PPARGC1B: variants seen among roughly 807,000 people sequenced by gnomAD.
The protein encoded by PPARGC1B is PPARG coactivator 1 beta.
In PPARGC1B, 34 loss-of-function variants were observed where a neutral mutation model predicts 101.6. That is an observed-to-expected ratio of 0.33 (90% confidence interval 0.25 to 0.45). The LOEUF is 0.45. PPARGC1B is among the 20% of genes least tolerant of loss of function. The probability of loss-of-function intolerance (pLI) is 1.00; values close to 1 mark genes in which losing one functional copy is unlikely to be tolerated. For synonymous variants in PPARGC1B, 548 were observed against 539.3 expected (o/e 1.02, Z -0.22); for missense variants, 1,234 against 1,317.6 (o/e 0.94, Z 0.98).
In PPARGC1B at chr5:149,799,837, A is replaced by G. The variant is rs149374673; in HGVS notation, c.79-20596A>G. 1.5e-4 allele frequency among the ~76,000 whole-genome samples: 23 copies of G among 151,660 alleles called. No homozygotes were observed. The East Asian group carries it at 3.7e-3, about 24-fold the overall frequency. Reference sequence around the variant, plus strand: ...CTCAGCCTCCTGAATAGCTGGGACTACAGGTGTACGCCACCACACCTGGCT... The same window carrying G: ...CTCAGCCTCCTGAATAGCTGGGACTGCAGGTGTACGCCACCACACCTGGCT... On this transcript the variant is annotated intron_variant, in intron 1 of 11. Coordinates refer to ENST00000309241, the MANE Select transcript of PPARGC1B (RefSeq NM_133263.4).
At chr5:149,744,153 A>G (rs1581003281) in intron 1 of PPARGC1B, among the ~76,000 whole-genome samples, 1 of 152,328 alleles carries the variant, frequency 6.6e-6, no homozygotes, top group Admixed American at 6.5e-5. Flanking sequence ...CAAGAAAATG[A>G]ACTTCAGGCT....
intron 1 of PPARGC1B, among the ~76,000 whole-genome samples, chr5:149,774,486 G>GA (rs1756276957): frequency 1.3e-5 from 2 of 152,062 alleles, no homozygotes; most frequent in South Asian, 4.1e-4. Context: ...TAATCCTTCT[G>GA]GCTTCTGGTC....
chr5:149,844,000 A>G (rs974256386), intron 10 of PPARGC1B, among the ~76,000 whole-genome samples: 7 of 152,216 alleles, frequency 4.6e-5, no homozygotes, highest in South Asian at 2.1e-4. Context: ...AGGAGGAATA[A>G]GGGAGGTGTT....
At chr5:149,801,233 A>G (rs1561555886) in intron 1 of PPARGC1B, among the ~76,000 whole-genome samples, 1 of 152,176 alleles carries the variant, frequency 6.6e-6, no homozygotes. Context: ...CATGCATATA[A>G]ATGTTTAATA....
chr5:149,846,081 C>A (rs1759544507), intron 11 of PPARGC1B, 167 bp downstream of exon 11: 1 of 734,328 alleles, frequency 1.4e-6, no homozygotes, highest in Admixed American at 2.4e-5. Context: ...TGAAGACTAC[C>A]ATCCTGTTTC....
intron 1 of PPARGC1B, among the ~76,000 whole-genome samples, chr5:149,786,736 A>T (rs1434497249): frequency 6.6e-6 from 1 of 152,226 alleles, no homozygotes; most frequent in African/African-American, 2.4e-5. Flanking sequence ...GAAAAGACAG[A>T]CTTCAGAGGG....
At chr5:149,829,229 G>T (rs1489767588) in intron 3 of PPARGC1B, among the ~76,000 whole-genome samples, 1 of 152,128 alleles carries the variant, frequency 6.6e-6, no homozygotes, top group African/African-American at 2.4e-5. Flanking sequence ...AAAAAAAGAG[G>T]TTTTAATCCA....
At chr5:149,774,731 C>G (rs1013424211) in intron 1 of PPARGC1B, among the ~76,000 whole-genome samples, 4 of 152,144 alleles carry the variant, frequency 2.6e-5, no homozygotes, top group South Asian at 2.1e-4. Flanking sequence ...AACCTCACCC[C>G]CTCTCCCTCC....
intron 1 of PPARGC1B, among the ~76,000 whole-genome samples, chr5:149,763,038 G>A (rs1755771770): frequency 6.6e-6 from 1 of 152,096 alleles, no homozygotes; most frequent in Non-Finnish European, 1.5e-5. Flanking sequence ...TCCTGCCTCA[G>A]CATCCCAAAG....
At chr5:149,771,260 T>A (rs1025689422) in intron 1 of PPARGC1B, among the ~76,000 whole-genome samples, 3 of 152,182 alleles carry the variant, frequency 2.0e-5, no homozygotes, top group African/African-American at 7.2e-5. Flanking sequence ...TAACCCCCAC[T>A]GCACAGTCAT....
At chr5:149,813,418 G>A (rs1227793713) in intron 1 of PPARGC1B, among the ~76,000 whole-genome samples, 1 of 152,196 alleles carries the variant, frequency 6.6e-6, no homozygotes, top group Admixed American at 6.5e-5. Flanking sequence ...AGCCAGCATG[G>A]TCTGGCTGGC....
At chr5:149,762,758 T>C (rs143769945) in intron 1 of PPARGC1B, among the ~76,000 whole-genome samples, 108 of 152,262 alleles carry the variant, frequency 7.1e-4, no homozygotes, top group African/African-American at 2.5e-3. Flanking sequence ...ACTTTTATCC[T>C]CTAGTTCTCC....
rs145974123 is a variant in PPARGC1B at position 149,816,338 on chromosome 5, G to A, written c.79-4095G>A. 1.9e-3 allele frequency among the ~76,000 whole-genome samples: 288 copies of A among 152,340 alleles called. 1 individual carries two copies. Among genetic ancestry groups the A allele is most frequent in the African/African-American group, 6.6e-3 (275 of 41,578 alleles). On this transcript the variant is annotated intron_variant, in intron 1 of 11. Coordinates refer to ENST00000309241, the MANE Select transcript of PPARGC1B (RefSeq NM_133263.4). The stretch of plus-strand genomic sequence containing the variant: ...GACATTTTGTAAAGGAGGCGGTATG[G>A]TTTCGAGGGAAGGACACTCACCGGA...
rs372037073 is a variant in PPARGC1B at position 149,837,895 on chromosome 5, C to T, written c.2618+822C>T. Among the ~76,000 whole-genome samples the T allele has an allele frequency of 2.6e-3, 393 of 152,190 alleles. 2 individuals are homozygous for T. Among genetic ancestry groups the T allele is most frequent in the African/African-American group, 8.8e-3 (366 of 41,524 alleles). The stretch of plus-strand genomic sequence containing the variant: ...TGCTCTTGGGCTAGAGCCCAGCTGC[C>T]GAATCCGCTGCAGGATTTGTTGCGC... On this transcript the variant is annotated intron_variant, in intron 8 of 11. Transcript: ENST00000309241. The surrounding 1 kb of genome is among the most constrained non-coding windows in gnomAD (Gnocchi z 4.2).
chr5:149,795,333 A>G (rs1256312267), intron 1 of PPARGC1B, among the ~76,000 whole-genome samples: 1 of 152,176 alleles, frequency 6.6e-6, no homozygotes, highest in African/African-American at 2.4e-5. Flanking sequence ...AATGGAGATA[A>G]AAAGGGGACC....
chr5:149,752,345 A>G (rs1274269532), intron 1 of PPARGC1B, among the ~76,000 whole-genome samples: 1 of 152,206 alleles, frequency 6.6e-6, no homozygotes, highest in Non-Finnish European at 1.5e-5. Context: ...TGTGATTCAG[A>G]CTGCAGTCGG....
intron 8 of PPARGC1B, among the ~76,000 whole-genome samples, chr5:149,838,400 G>A (rs780019455): frequency 6.6e-6 from 1 of 151,982 alleles, no homozygotes; most frequent in Admixed American, 6.6e-5. Flanking sequence ...TCACAGCTGC[G>A]TTCTGCCGAC....
chr5:149,839,097 A>C (rs922190215), intron 8 of PPARGC1B, among the ~76,000 whole-genome samples: 1 of 152,222 alleles, frequency 6.6e-6, no homozygotes, highest in African/African-American at 2.4e-5. Context: ...TCCCCATTTT[A>C]TAGATGAGGA....
At chr5:149,829,098 T>C (rs1758640986) in intron 3 of PPARGC1B, among the ~76,000 whole-genome samples, 1 of 152,176 alleles carries the variant, frequency 6.6e-6, no homozygotes, top group Non-Finnish European at 1.5e-5. Context: ...AGAAGTCATC[T>C]GGACCTCAGG....
Sources: allele counts gnomAD v4.1 joint callset (sites outside exome capture counted in the v4.1 genomes callset), GRCh38; gene constraint gnomAD v4.1.1; non-coding constraint Gnocchi (gnomAD v3.1); transcripts MANE v1.5; gene names NCBI Gene and HGNC (gene_info 2026-07-23, HGNC 2026-07-21).